CCNJL: variants seen among roughly 807,000 people sequenced by gnomAD.
The protein encoded by CCNJL is cyclin-J-like protein.
Under a neutral mutation model 33.4 loss-of-function variants are expected in CCNJL, and 33 were observed. The observed-to-expected ratio is 0.99, with a 90% CI of 0.75 to 1.32. The LOEUF (loss-of-function observed/expected upper bound fraction) is 1.32. Ranked by LOEUF, CCNJL falls within the 40% of genes most tolerant of loss-of-function variation. The pLI is 0.00. For missense variants in CCNJL, 512 were observed against 499.7 expected (o/e 1.02, Z -0.23); for synonymous variants, 227 against 220.9 (o/e 1.03, Z -0.24).
intron 2 of CCNJL, among the ~76,000 whole-genome samples, chr5:160,301,601 T>A (rs1762924281): frequency 6.7e-6 from 1 of 150,212 alleles, no homozygotes; most frequent in Admixed American, 6.6e-5. Context: ...GCCCAGCAAT[T>A]TTTTTGTTTA....
chr5:160,311,605 T>C (rs1581013952), intron 2 of CCNJL, among the ~76,000 whole-genome samples: 1 of 152,128 alleles, frequency 6.6e-6, no homozygotes, highest in African/African-American at 2.4e-5. Flanking sequence ...AGAGGTACAG[T>C]GGCTGTCTCT....
At chr5:160,281,040 G>C in intron 2 of CCNJL, 1 of 442,142 alleles carries the variant, frequency 2.3e-6, no homozygotes. Flanking sequence ...AAAGGCATTG[G>C]GGTCAGAGGT....
intron 1 of CCNJL, among the ~76,000 whole-genome samples, chr5:160,337,003 C>CTTTTTTTTTT (rs35461944): frequency 5.4e-4 from 51 of 95,070 alleles, no homozygotes; most frequent in East Asian, 6.5e-4. Flanking sequence ...CTTTTTCTTT[C>CTTTTTTTTTT]TTTTTTTTTT....
chr5:160,320,883 TTTTC>T (rs1395387461), intron 1 of CCNJL, among the ~76,000 whole-genome samples: 19 of 137,564 alleles, frequency 1.4e-4, no homozygotes, highest in African/African-American at 2.4e-4. Flanking sequence ...CTTTCTTTCT[TTTTC>T]TTTCTTTCTT....
chr5:160,339,373 A>AAAAAAAAAC (rs1763722795), intron 1 of CCNJL: 1 of 304,994 alleles, frequency 3.3e-6, no homozygotes, highest in Non-Finnish European at 6.6e-6. Flanking sequence ...AAAAAAAAAC[A>AAAAAAAAAC]AAAAAAAACG....
intron 1 of CCNJL, among the ~76,000 whole-genome samples, chr5:160,334,703 A>G (rs958110760): frequency 1.3e-5 from 2 of 152,184 alleles, no homozygotes; most frequent in Non-Finnish European, 2.9e-5. Flanking sequence ...AACTTCACAC[A>G]CCGCTGTTGT....
intron 1 of CCNJL, chr5:160,327,016 T>G: frequency 2.2e-6 from 1 of 450,492 alleles, no homozygotes; most frequent in Non-Finnish European, 4.2e-6. Flanking sequence ...GGATACAGTT[T>G]GTTTTTAGAT....
chr5:160,279,377 T>C (rs1456480854), intron 3 of CCNJL, among the ~76,000 whole-genome samples: 1 of 152,234 alleles, frequency 6.6e-6, no homozygotes, highest in Non-Finnish European at 1.5e-5. Context: ...GGGCATTCCA[T>C]TCCTCTGCAT....
chr5:160,273,023 C>T (rs1761891728), intron 3 of CCNJL, among the ~76,000 whole-genome samples: 2 of 152,158 alleles, frequency 1.3e-5, no homozygotes, highest in African/African-American at 4.8e-5. Flanking sequence ...AATCCACAAG[C>T]GCTGATGGAA....
At chr5:160,277,649 G>A (rs535161930) in intron 3 of CCNJL, among the ~76,000 whole-genome samples, 30 of 152,108 alleles carry the variant, frequency 2.0e-4, no homozygotes, top group African/African-American at 6.5e-4. Context: ...TCCTCCTGTG[G>A]CCCGCAGACA....
At chr5:160,262,698 C>G (rs191085457) in intron 3 of CCNJL, among the ~76,000 whole-genome samples, 1 of 152,314 alleles carries the variant, frequency 6.6e-6, no homozygotes, top group Non-Finnish European at 1.5e-5. Context: ...GATGGGAGAA[C>G]TCAGCTTCTA....
intron 2 of CCNJL, among the ~76,000 whole-genome samples, chr5:160,282,316 TAG>T (rs1167923278): frequency 6.7e-6 from 1 of 149,056 alleles, no homozygotes; most frequent in African/African-American, 2.6e-5. Flanking sequence ...TGGAATAAGA[TAG>T]ACATAGACAT....
intron 1 of CCNJL, among the ~76,000 whole-genome samples, chr5:160,322,971 A>C (rs984913436): frequency 2.0e-5 from 3 of 150,354 alleles, no homozygotes; most frequent in Non-Finnish European, 3.0e-5. Context: ...GCGGTGGCTC[A>C]CGACTGTAAT....
chr5:160,254,242 G>A, intron 5 of CCNJL: 1 of 539,502 alleles, frequency 1.9e-6, no homozygotes, highest in Non-Finnish European at 3.3e-6. Context: ...AGGCAATTCT[G>A]GGCCAGCTCC....
chr5:160,263,065 CAG>C (rs1761415672), intron 3 of CCNJL, among the ~76,000 whole-genome samples: 1 of 152,206 alleles, frequency 6.6e-6, no homozygotes. Flanking sequence ...ATTTTCAAAT[CAG>C]AGAAAAGATG....
At chr5:160,257,869 G>A (rs1002945763) in intron 4 of CCNJL, among the ~76,000 whole-genome samples, 3 of 149,258 alleles carry the variant, frequency 2.0e-5, no homozygotes, top group African/African-American at 7.4e-5. Flanking sequence ...TTTTTTAGAT[G>A]GAGTCTTGTT....
chr5:160,270,757 C>A (rs998720521), intron 3 of CCNJL, among the ~76,000 whole-genome samples: 1 of 152,114 alleles, frequency 6.6e-6, no homozygotes, highest in African/African-American at 2.4e-5. Flanking sequence ...TCTACAGGAA[C>A]AAATATTACT....
At chr5:160,326,015 C>T (rs1362700247) in intron 1 of CCNJL, among the ~76,000 whole-genome samples, 1 of 152,202 alleles carries the variant, frequency 6.6e-6, no homozygotes, top group Non-Finnish European at 1.5e-5. Context: ...CCAACTCCTG[C>T]TACAAGGCAC....
chr5:160,254,238 T>C (rs960764324), intron 5 of CCNJL: 7 of 534,152 alleles, frequency 1.3e-5, no homozygotes, highest in Non-Finnish European at 2.3e-5. Flanking sequence ...TTCCAGGCAA[T>C]TCTGGGCCAG....
Sources: gnomAD v4.1 joint callset for allele counts (sites outside exome capture counted in the v4.1 genomes callset) on GRCh38, gnomAD v4.1.1 for gene constraint, MANE v1.5 for transcripts, NCBI Gene and HGNC (gene_info 2026-07-23, HGNC 2026-07-21) for gene names.